AMPH: variants seen among roughly 807,000 people sequenced by gnomAD.
The protein encoded by AMPH is amphiphysin.
AMPH carries 49 observed loss-of-function variants against 99.1 expected under a neutral mutation model. The observed-to-expected ratio is 0.49, with a 90% CI of 0.39 to 0.63. The LOEUF is 0.63. Ranked by LOEUF, AMPH falls within the 20% of genes least tolerant of loss-of-function variation. AMPH has a pLI of 0.00. For missense variants in AMPH, 759 were observed against 863.4 expected (o/e 0.88, Z 1.52); for synonymous variants, 314 against 317.3 (o/e 0.99, Z 0.11).
chr7:38,579,636 G>A (rs555836214), intron 1 of AMPH, among the ~76,000 whole-genome samples: 51 of 152,268 alleles, frequency 3.3e-4, no homozygotes, highest in African/African-American at 1.2e-3. Flanking sequence ...GAAATGCCTG[G>A]TCCAAAACTC....
chr7:38,524,336 G>A (rs926298172), intron 2 of AMPH, among the ~76,000 whole-genome samples: 8 of 152,304 alleles, frequency 5.3e-5, no homozygotes, highest in Admixed American at 3.3e-4. Context: ...AGGGGCAACA[G>A]GTGACCCTGG....
intron 1 of AMPH, among the ~76,000 whole-genome samples, chr7:38,578,851 G>GT (rs1275115839): frequency 2.6e-5 from 4 of 152,036 alleles, no homozygotes; most frequent in Non-Finnish European, 5.9e-5. Context: ...CATTTTAATG[G>GT]TTTTTTCTTA....
intron 1 of AMPH, among the ~76,000 whole-genome samples, chr7:38,543,996 G>C (rs991709885): frequency 6.6e-6 from 1 of 152,170 alleles, no homozygotes; most frequent in Non-Finnish European, 1.5e-5. Context: ...AAACTGGTAA[G>C]ATTCTAACCA....
intron 1 of AMPH, among the ~76,000 whole-genome samples, chr7:38,560,666 G>T (rs893122226): frequency 6.6e-6 from 1 of 152,204 alleles, no homozygotes; most frequent in Non-Finnish European, 1.5e-5. Context: ...CAAGCCAGTA[G>T]CACAATGCAT....
Position 38,551,492 on chromosome 7 carries a change from T to C in AMPH, c.70-16481A>G, listed in dbSNP as rs1157053567. On this transcript the variant is annotated intron_variant, in intron 1 of 20. Coordinates refer to ENST00000356264, the MANE Select transcript of AMPH (RefSeq NM_001635.4). ...TTCTTTTTTCCTTTCCCTCCTCACC[T>C]CCTATTAGGAGTCCCCAGACTTTGT... Among the ~76,000 whole-genome samples the C allele has an allele frequency of 2.0e-5, 3 of 152,306 alleles. No homozygotes were observed. The South Asian group carries it at 6.2e-4, about 32-fold the overall frequency.
intron 2 of AMPH, among the ~76,000 whole-genome samples, chr7:38,511,219 T>A (rs1789528186): frequency 6.6e-6 from 1 of 152,180 alleles, no homozygotes; most frequent in Non-Finnish European, 1.5e-5. Context: ...ACTTTGTAAA[T>A]GATAAATTAT....
intron 1 of AMPH, among the ~76,000 whole-genome samples, chr7:38,543,971 C>T (rs981448384): frequency 2.0e-5 from 3 of 152,158 alleles, no homozygotes; most frequent in Admixed American, 1.3e-4. Flanking sequence ...ATTTTTTACT[C>T]ATTAATTAAT....
At chr7:38,482,231 C>CAG (rs891457167) in intron 5 of AMPH, among the ~76,000 whole-genome samples, 13 of 151,748 alleles carry the variant, frequency 8.6e-5, no homozygotes, top group Non-Finnish European at 1.0e-4. Flanking sequence ...TTGAGGGAGA[C>CAG]AGAGAGAGAG....
intron 1 of AMPH, among the ~76,000 whole-genome samples, chr7:38,611,765 A>G (rs1037140353): frequency 6.6e-6 from 1 of 152,196 alleles, no homozygotes; most frequent in Non-Finnish European, 1.5e-5. Flanking sequence ...TCCTGCTTAC[A>G]TTAGTTCATC....
At chr7:38,631,018 G>A (rs1357695637) in intron 1 of AMPH, among the ~76,000 whole-genome samples, 1 of 152,156 alleles carries the variant, frequency 6.6e-6, no homozygotes, top group African/African-American at 2.4e-5. Flanking sequence ...GGCCGGCTCC[G>A]GAGCTGGACA....
chr7:38,574,578 C>T (rs144737817), intron 1 of AMPH, among the ~76,000 whole-genome samples: 1 of 152,042 alleles, frequency 6.6e-6, no homozygotes, highest in Non-Finnish European at 1.5e-5. Flanking sequence ...AAACGGGTGG[C>T]CTGAAAAATG....
At position 38,494,440 on chromosome 7, in the gene AMPH, A is replaced by G. The variant is rs569700463; in HGVS notation, c.293T>C (p.Val98Ala). The G allele has an allele frequency of 1.9e-6, 3 of 1,613,354 alleles. No homozygotes were observed. Among genetic ancestry groups the G allele is most frequent in the South Asian group, 1.1e-5 (1 of 91,056 alleles). The change falls in exon 4 of 21, where the codon GTT becomes GCT. Residue 98 changes from valine to alanine, a missense_variant. Around this residue, in one of 2 missense-constraint regions of AMPH, gnomAD observed 205 missense variants for 287.9 expected, o/e 0.71. Transcript: ENST00000356264. ...DWYGREDVKM[V>A]GEKCDVLWED... ...AGCCACCCCAGCTCTTACCTCACCA[A>G]CCATTTTCACATCTTCCCGCCCATA...
At chr7:38,479,506 AC>A (rs886941958) in intron 5 of AMPH, among the ~76,000 whole-genome samples, 1 of 152,134 alleles carries the variant, frequency 6.6e-6, no homozygotes, top group Admixed American at 6.6e-5. Context: ...TTGTTTTCCT[AC>A]TTTTAATTGC....
chr7:38,441,672 C>T (rs1431607685), intron 11 of AMPH, among the ~76,000 whole-genome samples: 1 of 150,646 alleles, frequency 6.6e-6, no homozygotes, highest in East Asian at 1.9e-4. Flanking sequence ...ATATTCACAA[C>T]AGCAAAGACA....
At position 38,480,384 on chromosome 7, in the gene AMPH, C is replaced by T. The variant is rs547777345; in HGVS notation, c.397-3415G>A. ...TTAGCAACTTCCTCCCTCTAATTTG[C>T]ACCACGGGTTCTTTGCTCACCTCAT... On this transcript the variant is annotated intron_variant, in intron 5 of 20. Transcript: ENST00000356264. Among the ~76,000 whole-genome samples the T allele has an allele frequency of 8.5e-5, 13 of 152,146 alleles. 1 individual carries two copies. Among genetic ancestry groups the T allele is most frequent in the Admixed American group, 8.5e-4 (13 of 15,276 alleles).
chr7:38,469,795 G>C (rs1414966574), intron 7 of AMPH, among the ~76,000 whole-genome samples: 1 of 151,908 alleles, frequency 6.6e-6, no homozygotes, highest in Non-Finnish European at 1.5e-5. Context: ...GCCAAAACAT[G>C]AGCCCTCTAA....
chr7:38,430,764 C>T lies in AMPH; in HGVS notation c.1159-899G>A, dbSNP rs572808606. ...AAACTTTTCACTAGAAAAGATATAA[C>T]TTAGTCATTGGTGGTTTCAATAGAC... On this transcript the variant is annotated intron_variant, in intron 13 of 20. Transcript: ENST00000356264. 2.3e-4 allele frequency among the ~76,000 whole-genome samples: 35 copies of T among 152,300 alleles called. No individual in the cohort carries two copies. In the South Asian group the frequency reaches 4.8e-3, roughly 21 times the overall value.
At chr7:38,592,557 C>T (rs2129058491) in intron 1 of AMPH, among the ~76,000 whole-genome samples, 1 of 152,056 alleles carries the variant, frequency 6.6e-6, no homozygotes, top group African/African-American at 2.4e-5. Context: ...ATGGTGAAAC[C>T]CTGTCTCTAC....
chr7:38,428,730 A>C lies in AMPH; in HGVS notation c.1182+1112T>G, dbSNP rs185930040. The C allele has an allele frequency of 1.8e-5, 8 of 456,932 alleles. No individual in the cohort carries two copies. In the East Asian group the frequency reaches 5.6e-4, roughly 32 times the overall value. 28.3% of individuals were successfully genotyped at this position (456,932 alleles called of 1,614,324 possible). ...AGGTTTGGCTCCAAAGCCTTCTATC[A>C]TTCCACAATTATTGATTACCTTTTG... On this transcript the variant is annotated intron_variant, in intron 14 of 20. Coordinates refer to ENST00000356264, the MANE Select transcript of AMPH (RefSeq NM_001635.4).
Sources: gnomAD v4.1 joint callset for allele counts (sites outside exome capture counted in the v4.1 genomes callset) on GRCh38, gnomAD v4.1.1 for gene constraint, gnomAD v4.1.1 regional missense constraint, MANE v1.5 for transcripts, NCBI Gene and HGNC (gene_info 2026-07-23, HGNC 2026-07-21) for gene names.